The following GALNT11 variants were observed in gnomAD, a reference collection of about 807,000 sequenced individuals.
GALNT11 encodes polypeptide N-acetylgalactosaminyltransferase 11.
In GALNT11, 47 loss-of-function variants were observed where a neutral mutation model predicts 72.7. The ratio of observed to expected loss-of-function variants is 0.65; its 90% CI spans 0.51 to 0.82. GALNT11 has a LOEUF of 0.82. GALNT11 is among the 40% of genes least tolerant of loss of function. The pLI, the probability that GALNT11 is intolerant of heterozygous loss-of-function variation, is 0.00. For synonymous variants in GALNT11, 270 were observed against 286.6 expected, an observed-to-expected ratio of 0.94 and a Z score of 0.58; for missense variants, 677 against 778.4, an observed-to-expected ratio of 0.87 and a Z score of 1.55.
intron 1 of GALNT11, among the ~76,000 whole-genome samples, chr7:152,085,109 A>C (rs886999384): frequency 6.6e-6 from 1 of 151,944 alleles, no homozygotes; most frequent in African/African-American, 2.4e-5. Context: ...ACATCCTCAC[A>C]TCTCTGTTTC....
chr7:152,067,537 C>G (rs2084380909), intron 1 of GALNT11, among the ~76,000 whole-genome samples: 1 of 152,170 alleles, frequency 6.6e-6, no homozygotes, highest in African/African-American at 2.4e-5. Flanking sequence ...CTATTACGAG[C>G]TCTTCATTTG....
intron 1 of GALNT11, among the ~76,000 whole-genome samples, chr7:152,048,691 G>T (rs2083259881): frequency 6.6e-6 from 1 of 151,590 alleles, no homozygotes; most frequent in Admixed American, 6.6e-5. Context: ...CACCACGCCT[G>T]GCTAATTTTT....
At chr7:152,084,473 A>G (rs1377771459) in intron 1 of GALNT11, among the ~76,000 whole-genome samples, 2 of 151,808 alleles carry the variant, frequency 1.3e-5, no homozygotes, top group Non-Finnish European at 1.5e-5. Flanking sequence ...TTTCTCTCAC[A>G]GTGTTTTCAA....
chr7:152,089,835 C>G (rs193266888), intron 1 of GALNT11, among the ~76,000 whole-genome samples: 19 of 152,236 alleles, frequency 1.2e-4, no homozygotes, highest in Admixed American at 1.2e-3. Context: ...ATTTCTAACA[C>G]TTATGATTTA....
intron 1 of GALNT11, among the ~76,000 whole-genome samples, chr7:152,077,052 C>T (rs564080628): frequency 1.3e-5 from 2 of 152,240 alleles, no homozygotes; most frequent in Non-Finnish European, 2.9e-5. Flanking sequence ...ATCATAACCA[C>T]CACACCCCAG....
intron 2 of GALNT11, among the ~76,000 whole-genome samples, chr7:152,096,632 T>C (rs1300097529): frequency 1.3e-5 from 2 of 151,536 alleles, no homozygotes; most frequent in Admixed American, 6.6e-5. Flanking sequence ...AGAGAATTGC[T>C]TGAACCTGGG....
chr7:152,099,914 AGGTGT>A (rs972850571), intron 2 of GALNT11, among the ~76,000 whole-genome samples: 6 of 149,494 alleles, frequency 4.0e-5, no homozygotes, highest in Non-Finnish European at 7.4e-5. Flanking sequence ...TGGAGACTAC[AGGTGT>A]GAGCCACTGA....
intron 1 of GALNT11, among the ~76,000 whole-genome samples, chr7:152,075,828 G>A (rs2084929355): frequency 6.6e-6 from 1 of 150,632 alleles, no homozygotes; most frequent in African/African-American, 2.4e-5. Context: ...TTGGGAGGCC[G>A]AGGCGGGCGG....
chr7:152,117,541 G>A (rs1212248332), intron 9 of GALNT11, 166 bp downstream of exon 9: 1 of 674,678 alleles, frequency 1.5e-6, no homozygotes, highest in African/African-American at 1.8e-5. Context: ...CTCTACGCAA[G>A]TGTAGGACCT....
rs570705751 is a variant in GALNT11, at chr7:152,033,299, T to C, written c.-39+7415T>C. 7.0e-4 allele frequency among the ~76,000 whole-genome samples: 107 copies of C among 152,082 alleles called. 1 individual carries two copies. Among genetic ancestry groups the C allele is most frequent in the African/African-American group, 2.5e-3 (104 of 41,514 alleles). Reference sequence around the variant, plus strand: ...ACTGATAACAAGCCCTACCGGGTGATTGGCCTGCTCCATTTTCTGTCCTTT... The same window carrying C: ...ACTGATAACAAGCCCTACCGGGTGACTGGCCTGCTCCATTTTCTGTCCTTT... On this transcript the variant is annotated intron_variant, in intron 1 of 11. Coordinates refer to ENST00000430044, the MANE Select transcript of GALNT11 (RefSeq NM_022087.4).
intron 10 of GALNT11, 45 bp downstream of exon 10, chr7:152,118,827 T>C (rs1433058559): frequency 1.3e-6 from 2 of 1,524,656 alleles, no homozygotes; most frequent in Non-Finnish European, 1.8e-6. Context: ...GCAAGGAGGC[T>C]TCCAGTGTAG....
intron 1 of GALNT11, among the ~76,000 whole-genome samples, chr7:152,064,432 A>T (rs534009859): frequency 3.3e-5 from 5 of 152,274 alleles, no homozygotes; most frequent in Non-Finnish European, 7.4e-5. Flanking sequence ...GTGTTGTTTA[A>T]TTGGAGCATT....
At chr7:152,092,025 C>T (rs1322639900) in intron 1 of GALNT11, among the ~76,000 whole-genome samples, 3 of 152,122 alleles carry the variant, frequency 2.0e-5, no homozygotes, top group Non-Finnish European at 2.9e-5. Context: ...AACCTGTAAG[C>T]GTGGACCTTG....
At position 152,118,682 on chromosome 7, in the gene GALNT11, A is replaced by G. The variant is rs759486659; in HGVS notation, c.1457A>G (p.Tyr486Cys). The change falls in exon 10 of 12, where the codon TAT (tyrosine) becomes TGT (cysteine). Residue 486 changes from tyrosine (Y) to cysteine (C), a missense_variant. By Grantham distance (194) the Tyr-to-Cys change is radical. Coordinates refer to ENST00000430044, the MANE Select transcript of GALNT11 (RefSeq NM_022087.4). Reference protein sequence around the residue: ...RPKVLQRGRLYHLQTNKCLVA... With the variant: ...RPKVLQRGRLCHLQTNKCLVA... Reference sequence around the variant, plus strand: ...GAGCTGTGCCTTCTCTTACAGCTCTATCACCTCCAGACCAACAAATGCCTG... The same window carrying G: ...GAGCTGTGCCTTCTCTTACAGCTCTGTCACCTCCAGACCAACAAATGCCTG... The G allele has an allele frequency of 1.4e-5, 23 of 1,608,908 alleles. No homozygotes were observed. The highest frequency in any genetic ancestry group is 2.7e-5 in the African/African-American group (2 of 74,550).
At chr7:152,107,808 T>G in intron 5 of GALNT11, 2 of 402,074 alleles carry the variant, frequency 5.0e-6, no homozygotes, top group East Asian at 3.8e-5. Flanking sequence ...GCGCGTATGA[T>G]TTGTATGGGT....
chr7:152,076,141 A>T (rs896909925), intron 1 of GALNT11, among the ~76,000 whole-genome samples: 1 of 149,362 alleles, frequency 6.7e-6, no homozygotes, highest in Non-Finnish European at 1.5e-5. Flanking sequence ...TCCTGCAAGT[A>T]TGAAGATATG....
At chr7:152,066,041 G>A (rs1349412332) in intron 1 of GALNT11, among the ~76,000 whole-genome samples, 1 of 152,228 alleles carries the variant, frequency 6.6e-6, no homozygotes, top group Non-Finnish European at 1.5e-5. Flanking sequence ...CCCCAGAGGT[G>A]GAGTCTACAG....
At chr7:152,107,538 A>C (rs888566093) in intron 5 of GALNT11, 2 of 153,270 alleles carry the variant, frequency 1.3e-5, no homozygotes, top group African/African-American at 4.8e-5. Flanking sequence ...TGTCCTAGTC[A>C]CCAGTGAGAA....
chr7:152,047,014 A>G (rs559234515), intron 1 of GALNT11, among the ~76,000 whole-genome samples: 1 of 152,322 alleles, frequency 6.6e-6, no homozygotes, highest in East Asian at 1.9e-4. Flanking sequence ...ATCTTATAAC[A>G]ATTTTAAACC....
Sources: allele counts gnomAD v4.1 joint callset (sites outside exome capture counted in the v4.1 genomes callset), GRCh38; gene constraint gnomAD v4.1.1; transcripts MANE v1.5; gene names NCBI Gene and HGNC (gene_info 2026-07-23, HGNC 2026-07-21).